CNGB3: variants seen among roughly 807,000 people sequenced by gnomAD.
The protein encoded by CNGB3 is cyclic nucleotide-gated channel beta-3.
In CNGB3, 86 loss-of-function variants were observed where a neutral mutation model predicts 92.8. The ratio of observed to expected loss-of-function variants is 0.93; its 90% confidence interval spans 0.78 to 1.11. CNGB3 has a LOEUF of 1.11. CNGB3 is among the 50% of genes least tolerant of loss of function. The pLI, the probability that CNGB3 is intolerant of heterozygous loss-of-function variation, is 0.00. For synonymous variants in CNGB3, 333 were observed against 332.7 expected (o/e 1.00, Z -0.01); for missense variants, 1,026 against 956.8 (o/e 1.07, Z -0.95).
chr8:86,661,819 A>G, intron 6 of CNGB3: 3 of 1,544,696 alleles, frequency 1.9e-6, no homozygotes, highest in South Asian at 2.3e-5. Context: ...TGACGAAGGT[A>G]ATTGTTGTTC....
At chr8:86,688,319 T>C (rs1824228070) in intron 3 of CNGB3, among the ~76,000 whole-genome samples, 1 of 152,078 alleles carries the variant, frequency 6.6e-6, no homozygotes, top group African/African-American at 2.4e-5. Context: ...TTCCATAAAA[T>C]GGACAAATAT....
chr8:86,667,109 A>G lies in CNGB3; in HGVS notation c.668T>C (p.Leu223Ser). ...CCAGTTATAGGCAAGAGTGACAAGC[A>G]AGAGCCACAGGAGATAGAGTCGATC... ...YTDRLYLLWL[L>S]LVTLAYNWNC... The change falls in exon 6 of 18, where the codon TTG becomes TCG. Residue 223 changes from leucine (L) to serine (S), a missense_variant. Transcript: ENST00000320005. 6.2e-7 allele frequency: 1 copy of G among 1,614,118 alleles called. No homozygotes were observed. Among genetic ancestry groups the G allele is most frequent in the South Asian group, 1.1e-5 (1 of 91,066 alleles).
rs575400350 is a variant in CNGB3, at chr8:86,628,373, G to A, written c.1480+546C>T. On this transcript the variant is annotated intron_variant, in intron 12 of 17. Coordinates refer to ENST00000320005, the MANE Select transcript of CNGB3 (RefSeq NM_019098.5). Reference sequence around the variant, plus strand: ...TGAGATTACAGGAGTAAGCCACCATGCCCAGCCTCAAAAGTTATATGTGGA... The same window carrying A: ...TGAGATTACAGGAGTAAGCCACCATACCCAGCCTCAAAAGTTATATGTGGA... Among the ~76,000 whole-genome samples the A allele has an allele frequency of 5.5e-4, 84 of 152,258 alleles. No homozygotes were observed. The South Asian group carries it at 0.017, about 31-fold the overall frequency.
intron 14 of CNGB3, among the ~76,000 whole-genome samples, chr8:86,609,046 A>C (rs897281708): frequency 4.6e-5 from 7 of 151,964 alleles, no homozygotes; most frequent in African/African-American, 1.5e-4. Flanking sequence ...GCACTCTCCC[A>C]CCTACTTAAT....
Position 86,657,423 on chromosome 8 carries a change from A to C in CNGB3, c.853-3361T>G, listed in dbSNP as rs566452605. ...TCACCTCATTTCTTGTCAGCATGAT[A>C]GAAAAATGGAATGCAGGGGTTGCTG... On this transcript the variant is annotated intron_variant, in intron 6 of 17. Transcript: ENST00000320005. 5.0e-5 allele frequency: 25 copies of C among 499,452 alleles called. No individual in the cohort carries two copies. In the East Asian group the frequency reaches 1.4e-3, roughly 28 times the overall value. The allele number at this position is 499,452 out of a possible 1,614,324, so 30.9% of individuals were successfully genotyped here.
At chr8:86,595,210 G>C (rs1822143203) in intron 15 of CNGB3, among the ~76,000 whole-genome samples, 1 of 152,206 alleles carries the variant, frequency 6.6e-6, no homozygotes, top group Admixed American at 6.5e-5. Flanking sequence ...AGTTACTGCT[G>C]TTGTTTTAAT....
intron 3 of CNGB3, among the ~76,000 whole-genome samples, chr8:86,678,769 C>A (rs892440704): frequency 1.3e-5 from 2 of 152,100 alleles, no homozygotes; most frequent in African/African-American, 4.8e-5. Context: ...AAAAAAATTT[C>A]ATAGATTGTG....
intron 7 of CNGB3, 111 bp from the exon 8 acceptor site, chr8:86,647,998 G>C: frequency 1.3e-6 from 1 of 774,948 alleles, no homozygotes; most frequent in Non-Finnish European, 2.4e-6. Flanking sequence ...ATTATTTGTT[G>C]TTTAATCCAA....
intron 9 of CNGB3, among the ~76,000 whole-genome samples, 160 bp from the exon 10 acceptor site, chr8:86,644,033 T>C (rs549796661): frequency 6.6e-6 from 1 of 150,916 alleles, no homozygotes; most frequent in South Asian, 2.1e-4. Flanking sequence ...TGCCATTGCA[T>C]GTTTTCTGAT....
At chr8:86,718,533 G>A (rs1824907275) in intron 3 of CNGB3, among the ~76,000 whole-genome samples, 1 of 151,732 alleles carries the variant, frequency 6.6e-6, no homozygotes, top group South Asian at 2.1e-4. Context: ...TAAAAAAATT[G>A]CCAAGAAAAA....
At chr8:86,594,711 G>GTTTGTTTGTTTA (rs1183445072) in intron 15 of CNGB3, 3 of 182,812 alleles carry the variant, frequency 1.6e-5, no homozygotes, top group African/African-American at 7.1e-5. Flanking sequence ...TTGTTTGTTT[G>GTTTGTTTGTTTA]TTTGTTTGTT....
intron 3 of CNGB3, among the ~76,000 whole-genome samples, chr8:86,716,502 C>T (rs959399429): frequency 6.6e-6 from 1 of 152,146 alleles, no homozygotes; most frequent in African/African-American, 2.4e-5. Context: ...GGAAAACCTA[C>T]TAGAGTAACA....
chr8:86,595,552 T>C (rs564984789), intron 15 of CNGB3, among the ~76,000 whole-genome samples: 1 of 152,322 alleles, frequency 6.6e-6, no homozygotes, highest in South Asian at 2.1e-4. Flanking sequence ...AATGTAAATA[T>C]GTACTCTTAA....
At chr8:86,609,903 C>A (rs1822485655) in intron 14 of CNGB3, among the ~76,000 whole-genome samples, 1 of 152,106 alleles carries the variant, frequency 6.6e-6, no homozygotes, top group African/African-American at 2.4e-5. Context: ...TCCTGACAAC[C>A]TAATAACCTC....
At chr8:86,595,837 G>A (rs1822160755) in intron 15 of CNGB3, among the ~76,000 whole-genome samples, 1 of 152,230 alleles carries the variant, frequency 6.6e-6, no homozygotes, top group African/African-American at 2.4e-5. Flanking sequence ...TGATTTAAAG[G>A]TTAAAAGGAG....
At chr8:86,659,608 C>T (rs1425753105) in intron 6 of CNGB3, 2 of 539,032 alleles carry the variant, frequency 3.7e-6, no homozygotes, top group Admixed American at 2.2e-5. Context: ...CCCACTCCAA[C>T]TCTCCCACAC....
chr8:86,661,909 G>C, intron 6 of CNGB3: 1 of 798,654 alleles, frequency 1.3e-6, no homozygotes, highest in Non-Finnish European at 2.2e-6. Flanking sequence ...GAAAAAGATG[G>C]ATAGGATTCT....
intron 3 of CNGB3, among the ~76,000 whole-genome samples, chr8:86,677,688 A>AG (rs1431191547): frequency 1.3e-5 from 2 of 152,188 alleles, no homozygotes; most frequent in Non-Finnish European, 2.9e-5. Flanking sequence ...ACAAAAAATC[A>AG]GGGAAGGTAA....
At chr8:86,679,913 C>T (rs1023146390) in intron 3 of CNGB3, among the ~76,000 whole-genome samples, 4 of 152,180 alleles carry the variant, frequency 2.6e-5, no homozygotes, top group Non-Finnish European at 5.9e-5. Context: ...TATGGAAATA[C>T]AGCAAGAAGG....
Sources: allele counts gnomAD v4.1 joint callset (sites outside exome capture counted in the v4.1 genomes callset), GRCh38; gene constraint gnomAD v4.1.1; transcripts MANE v1.5; gene names NCBI Gene and HGNC (gene_info 2026-07-23, HGNC 2026-07-21).